The following ERG variants were observed in gnomAD, a reference collection of about 807,000 sequenced individuals.
The protein encoded by ERG is transcriptional regulator ERG.
A neutral mutation model predicts 55.3 loss-of-function variants in ERG; 9 were observed. The observed-to-expected ratio is 0.16, with a 90% CI of 0.10 to 0.28. The LOEUF (loss-of-function observed/expected upper bound fraction) is 0.28, where lower values mean the gene tolerates loss of function less well. ERG is among the 10% of genes least tolerant of loss of function. The pLI, the probability that ERG is intolerant of heterozygous loss-of-function variation, is 1.00. For synonymous variants in ERG, 223 were observed against 237.3 expected, an observed-to-expected ratio of 0.94 and a Z score of 0.55; for missense variants, 434 against 631.6, an observed-to-expected ratio of 0.69 and a Z score of 3.35.
chr21:38,573,109 AC>A (rs2059969509), intron 2 of ERG, among the ~76,000 whole-genome samples: 1 of 152,240 alleles, frequency 6.6e-6, no homozygotes, highest in African/African-American at 2.4e-5. Flanking sequence ...TAACATGTTT[AC>A]AAGCAGTATA....
chr21:38,393,489 T>G (rs993486022), intron 6 of ERG, among the ~76,000 whole-genome samples: 1 of 152,252 alleles, frequency 6.6e-6, no homozygotes, highest in Non-Finnish European at 1.5e-5. Flanking sequence ...GTGAAGGCCA[T>G]GGCCAAATAT....
intron 2 of ERG, among the ~76,000 whole-genome samples, chr21:38,424,086 G>A (rs1478045631): frequency 6.6e-6 from 1 of 152,192 alleles, no homozygotes; most frequent in East Asian, 1.9e-4. Context: ...TATTAGGAGA[G>A]AGAGCCTTTG....
At chr21:38,550,145 G>C (rs1046989368) in intron 2 of ERG, among the ~76,000 whole-genome samples, 1 of 152,118 alleles carries the variant, frequency 6.6e-6, no homozygotes, top group African/African-American at 2.4e-5. Context: ...ATGCCAAGAG[G>C]ATCCGGAAAC....
At chr21:38,437,872 C>T (rs2058805481) in intron 2 of ERG, among the ~76,000 whole-genome samples, 1 of 152,204 alleles carries the variant, frequency 6.6e-6, no homozygotes, top group East Asian at 1.9e-4. Flanking sequence ...AGGAAGACTT[C>T]AACACAGGAG....
At chr21:38,418,168 A>G (rs1174989848) in intron 3 of ERG, among the ~76,000 whole-genome samples, 1 of 152,200 alleles carries the variant, frequency 6.6e-6, no homozygotes, top group Non-Finnish European at 1.5e-5. Context: ...TTCTATCTAG[A>G]TTAGAACTTT....
At chr21:38,657,046 A>G (rs2060523761) in intron 1 of ERG, among the ~76,000 whole-genome samples, 1 of 152,204 alleles carries the variant, frequency 6.6e-6, no homozygotes. Flanking sequence ...CTACAAATCT[A>G]GGTTTTAAAA....
At chr21:38,470,599 G>A (rs2146620307) in intron 1 of ERG, among the ~76,000 whole-genome samples, 1 of 152,262 alleles carries the variant, frequency 6.6e-6, no homozygotes, top group South Asian at 2.1e-4. Flanking sequence ...GTAAAGTCTA[G>A]TTCACTCTGC....
chr21:38,433,168 A>G (rs1193580215), intron 2 of ERG, among the ~76,000 whole-genome samples: 2 of 152,218 alleles, frequency 1.3e-5, no homozygotes, highest in African/African-American at 4.8e-5. Context: ...TGCTGTGCCC[A>G]GCAGGGTGCA....
At chr21:38,658,527 C>T (rs1175020559) in intron 1 of ERG, among the ~76,000 whole-genome samples, 1 of 152,116 alleles carries the variant, frequency 6.6e-6, no homozygotes, top group Non-Finnish European at 1.5e-5. Flanking sequence ...ATAAATTCCC[C>T]CTTTTATTTC....
intron 1 of ERG, among the ~76,000 whole-genome samples, chr21:38,632,412 C>A (rs555478314): frequency 2.0e-5 from 3 of 152,274 alleles, no homozygotes; most frequent in Non-Finnish European, 4.4e-5. Flanking sequence ...AACCCTTATG[C>A]ACTGTTGATG....
chr21:38,623,690 A>G lies in ERG; in HGVS notation c.-150+37968T>C, dbSNP rs187304985. 2.5e-3 allele frequency among the ~76,000 whole-genome samples: 387 copies of G among 152,234 alleles called. 2 individuals carry two copies. The highest frequency in any genetic ancestry group is 0.01 in the Middle Eastern group (3 of 294). ...GTGAGTTCCTCCCTCCAGAAATGAA[A>G]CACCTAAGTTGCTCAGCACTGACAG... is the stretch of plus-strand genomic sequence containing the variant. On this transcript the variant is annotated intron_variant, in intron 1 of 10. Coordinates refer to the ERG transcript ENST00000398910.
intron 1 of ERG, among the ~76,000 whole-genome samples, chr21:38,470,443 T>C (rs1411091142): frequency 1.3e-5 from 2 of 152,222 alleles, no homozygotes; most frequent in African/African-American, 2.4e-5. Context: ...AAGATTTTTC[T>C]CTTTTCAAAA....
intron 1 of ERG, among the ~76,000 whole-genome samples, chr21:38,480,378 A>G (rs1184903720): frequency 6.6e-6 from 1 of 152,150 alleles, no homozygotes; most frequent in Non-Finnish European, 1.5e-5. Flanking sequence ...AGGAGGCACC[A>G]GATGCATCCT....
intron 1 of ERG, among the ~76,000 whole-genome samples, chr21:38,578,649 C>T (rs887112758): frequency 6.6e-6 from 1 of 152,040 alleles, no homozygotes; most frequent in African/African-American, 2.4e-5. Context: ...CAGAGTCACC[C>T]ACCCCAATCA....
rs73434917 is a variant in ERG, at chr21:38,395,446, C to T, written c.746-3002G>A. ...GAATATATTTTACATTTAATTTTCG[C>T]TGATCATTTCAACACCCTCTCCATT... On this transcript the variant is annotated intron_variant, in intron 6 of 9. Coordinates refer to ENST00000288319, the MANE Select transcript of ERG (RefSeq NM_182918.4). 1,263 of 217,194 alleles carry T rather than the reference C, an allele frequency of 5.8e-3. 18 individuals carry two copies. The highest frequency in any genetic ancestry group is 0.027 in the African/African-American group (1,189 of 44,578). The allele number at this position is 217,194 out of a possible 1,614,324, so 13.5% of individuals were successfully genotyped here.
In ERG at chr21:38,554,132, A is replaced by G. The variant is rs115006840; in HGVS notation, c.-41+21530T>C. Among the ~76,000 whole-genome samples the G allele has an allele frequency of 8.6e-3, 1,308 of 152,342 alleles. 17 individuals are homozygous for G. Among genetic ancestry groups the G allele is most frequent in the African/African-American group, 0.028 (1,178 of 41,590 alleles). ...AAAAGCAAACCAAAACCACCATGAG[A>G]TATCATGACACACCAGTCAGAACGG... On this transcript the variant is annotated intron_variant, in intron 2 of 8. Coordinates refer to the ERG transcript ENST00000398897.
intron 6 of ERG, among the ~76,000 whole-genome samples, chr21:38,397,596 C>CAAAAAAAAAAAAAAA (rs61047146): frequency 1.5e-5 from 1 of 67,164 alleles, no homozygotes. Flanking sequence ...GACTCCATCT[C>CAAAAAAAAAAAAAAA]AAAAAAAAAA....
At chr21:38,617,884 G>T (rs2146937982) in intron 1 of ERG, among the ~76,000 whole-genome samples, 1 of 152,290 alleles carries the variant, frequency 6.6e-6, no homozygotes, top group East Asian at 1.9e-4. Context: ...CAGGAAGGTA[G>T]GGAAGGCCTT....
chr21:38,392,263 C>T (rs1988006729), intron 7 of ERG, 113 bp downstream of exon 7: 2 of 890,900 alleles, frequency 2.2e-6, no homozygotes, highest in Admixed American at 2.0e-5. Context: ...ATGGAACAAA[C>T]CCATCACATG....
Sources: allele counts gnomAD v4.1 joint callset (sites outside exome capture counted in the v4.1 genomes callset), GRCh38; gene constraint gnomAD v4.1.1; transcripts MANE v1.5; gene names NCBI Gene and HGNC (gene_info 2026-07-23, HGNC 2026-07-21).